The following BPIFC variants were observed in gnomAD, a reference collection of about 807,000 sequenced individuals.
BPIFC encodes BPI fold containing family C, also known as BPI fold-containing family C protein.
Under a neutral mutation model 57.6 loss-of-function variants are expected in BPIFC, and 60 were observed. The observed-to-expected ratio is 1.04, with a 90% CI of 0.85 to 1.29. The LOEUF (loss-of-function observed/expected upper bound fraction) is 1.29. Ranked by LOEUF, BPIFC falls within the 50% of genes most tolerant of loss-of-function variation. The probability of loss-of-function intolerance (pLI) is 0.00; values close to 1 mark genes in which losing one functional copy is unlikely to be tolerated. For missense variants in BPIFC, 581 were observed against 600.5 expected, an observed-to-expected ratio of 0.97 and a Z score of 0.34; for synonymous variants, 243 against 224.5, an observed-to-expected ratio of 1.08 and a Z score of -0.74.
chr22:32,416,947 C>T (rs926354823), intron 15 of BPIFC, 138 bp downstream of exon 15: 8 of 870,576 alleles, frequency 9.2e-6, no homozygotes, highest in South Asian at 4.0e-5. Context: ...CAAATTCTGA[C>T]GCTGGCCTGG....
intron 4 of BPIFC, 150 bp from the exon 5 acceptor site, chr22:32,447,490 T>G: frequency 3.4e-6 from 3 of 893,500 alleles, no homozygotes; most frequent in Non-Finnish European, 4.7e-6. Flanking sequence ...AGGCTGTCTC[T>G]GGGGAACTGC....
At chr22:32,457,502 A>C (rs1320963262) in intron 2 of BPIFC, 116 bp from the exon 3 acceptor site, 1 of 1,058,232 alleles carries the variant, frequency 9.4e-7, no homozygotes, top group African/African-American at 1.7e-5. Flanking sequence ...AACTCAATAC[A>C]TCCATCCAAT....
At chr22:32,425,976 G>A (rs1250597716) in intron 13 of BPIFC, among the ~76,000 whole-genome samples, 1 of 152,176 alleles carries the variant, frequency 6.6e-6, no homozygotes, top group Non-Finnish European at 1.5e-5. Flanking sequence ...CGCCTGAGAT[G>A]CCAGAGCTAA....
chr22:32,452,263 G>A (rs1249870742), intron 4 of BPIFC, among the ~76,000 whole-genome samples: 1 of 152,104 alleles, frequency 6.6e-6, no homozygotes, highest in Non-Finnish European at 1.5e-5. Flanking sequence ...AATACTTGTT[G>A]AATGGCTAAC....
chr22:32,438,821 T>A (rs1318803729), intron 8 of BPIFC, among the ~76,000 whole-genome samples: 1 of 152,086 alleles, frequency 6.6e-6, no homozygotes, highest in African/African-American at 2.4e-5. Context: ...TTAGAACTTT[T>A]TTTTTTTTAA....
intron 4 of BPIFC, among the ~76,000 whole-genome samples, chr22:32,450,720 C>A (rs9609556): frequency 0.25 from 38,430 of 151,748 alleles, 5,028 homozygotes; most frequent in Middle Eastern, 0.31. Flanking sequence ...CATCCCAAAT[C>A]CAAAATTTTT....
chr22:32,436,414 A>AAGAAGGAGAAGG (rs201728227), intron 9 of BPIFC, among the ~76,000 whole-genome samples: 2 of 150,278 alleles, frequency 1.3e-5, no homozygotes, highest in Non-Finnish European at 3.0e-5. Flanking sequence ...GAGGAGGGAA[A>AAGAAGGAGAAGG]AGAAGGAGAA....
intron 3 of BPIFC, among the ~76,000 whole-genome samples, chr22:32,454,180 C>T (rs181273013): frequency 2.8e-4 from 42 of 152,308 alleles, no homozygotes; most frequent in Non-Finnish European, 5.6e-4. Flanking sequence ...AATTCAGACA[C>T]TTCGGCTCCA....
At chr22:32,415,275 C>A (rs1933639329) in intron 16 of BPIFC, among the ~76,000 whole-genome samples, 1 of 152,194 alleles carries the variant, frequency 6.6e-6, no homozygotes, top group Admixed American at 6.5e-5. Flanking sequence ...AGGTTCCTAA[C>A]AGGCCACAGA....
chr22:32,454,728 T>C (rs1934991512), intron 3 of BPIFC, among the ~76,000 whole-genome samples: 1 of 152,144 alleles, frequency 6.6e-6, no homozygotes, highest in South Asian at 2.1e-4. Context: ...TATTGCAATA[T>C]GGTGATGCAA....
In BPIFC at chr22:32,445,924, A is replaced by G; in HGVS notation, c.447T>C (p.Asn149=). The part of the protein sequence containing the change: ...YFTGIIILTR[N]DFGHPTLKLQ... ...GCTTCAGGGTAGGATGACCAAAGTC[A>G]TTTCGGGTTAGGATAATGATACCGG... Residue 149 remains asparagine, a synonymous_variant, in exon 6 of 17, where the codon AAT becomes AAC. Coordinates refer to ENST00000300399, the MANE Select transcript of BPIFC (RefSeq NM_174932.3). 6.2e-7 allele frequency: 1 copy of G among 1,614,094 alleles called. No individual in the cohort carries two copies. The highest frequency in any genetic ancestry group is 8.5e-7 in the Non-Finnish European group (1 of 1,180,006).
At chr22:32,455,052 T>A (rs530597223) in intron 3 of BPIFC, among the ~76,000 whole-genome samples, 1 of 74,430 alleles carries the variant, frequency 1.3e-5, no homozygotes, top group East Asian at 2.1e-4. Context: ...TTCATCTCCA[T>A]TTTTTTTTTT....
chr22:32,427,145 A>C (rs5749435), intron 13 of BPIFC, among the ~76,000 whole-genome samples: 12,520 of 152,232 alleles, frequency 0.082, 985 homozygotes, highest in East Asian at 0.45. Context: ...GTAGGAAGCC[A>C]AGAGAATGAA....
At chr22:32,452,178 A>T (rs1161161167) in intron 4 of BPIFC, among the ~76,000 whole-genome samples, 1 of 152,198 alleles carries the variant, frequency 6.6e-6, no homozygotes, top group African/African-American at 2.4e-5. Context: ...TTGGGATTAC[A>T]CGTGTGAGCC....
At chr22:32,421,263 A>C (rs1933839324) in intron 13 of BPIFC, among the ~76,000 whole-genome samples, 1 of 152,248 alleles carries the variant, frequency 6.6e-6, no homozygotes, top group South Asian at 2.1e-4. Context: ...ATGCAATAAT[A>C]ATGATACTAT....
intron 12 of BPIFC, 25 bp from the exon 13 acceptor site, chr22:32,431,439 A>ATTTATTTATTTATTTTTTTATTTT: frequency 7.4e-7 from 1 of 1,343,078 alleles, no homozygotes; most frequent in Non-Finnish European, 1.1e-6. Context: ...AGCATTTATT[A>ATTTATTTATTTATTTTTTTATTTT]TTAAGACGAG....
In BPIFC at chr22:32,429,509, G is replaced by GTTTT. The variant is rs780948561; in HGVS notation, c.1217+1834_1217+1837dup. ...GCGTGAGCCATGGCAACTGGCCTTT[G>GTTTT]TTTTTTTTTTTTTTTTTTTTTTTTT... On this transcript the variant is annotated intron_variant, in intron 13 of 16. Transcript: ENST00000300399. Among the ~76,000 whole-genome samples the GTTTT allele has an allele frequency of 0.026, 1,459 of 56,582 alleles. 266 individuals carry two copies. The East Asian group carries it at 0.26, about 10-fold the overall frequency. The allele number at this position is 56,582 out of a possible 152,430, so 37.1% of individuals were successfully genotyped here.
At chr22:32,442,325 T>C (rs1350305551) in intron 8 of BPIFC, among the ~76,000 whole-genome samples, 2 of 152,172 alleles carry the variant, frequency 1.3e-5, no homozygotes, top group Admixed American at 6.5e-5. Flanking sequence ...CACTGCAGGC[T>C]GAGAACCCCA....
At chr22:32,447,370 G>T (rs762134301) in intron 4 of BPIFC, 30 bp from the exon 5 acceptor site, 2 of 1,602,980 alleles carry the variant, frequency 1.2e-6, no homozygotes, top group African/African-American at 1.3e-5. Context: ...AAGTTAGGGC[G>T]ACTCTTCCAG....
Sources: gnomAD v4.1 joint callset for allele counts (sites outside exome capture counted in the v4.1 genomes callset) on GRCh38, gnomAD v4.1.1 for gene constraint, MANE v1.5 for transcripts, NCBI Gene and HGNC (gene_info 2026-07-23, HGNC 2026-07-21) for gene names.